The following TESMIN variants were observed in gnomAD, a reference collection of about 807,000 sequenced individuals.
The protein encoded by TESMIN is CXC domain containing 2.
TESMIN carries 34 observed loss-of-function variants against 47.4 expected under a neutral mutation model. The ratio of observed to expected loss-of-function variants is 0.72; its 90% CI spans 0.55 to 0.96. TESMIN has a LOEUF of 0.96. Among genes scored for constraint, TESMIN ranks in the 40% least tolerant of loss-of-function variants. The pLI is 0.00. For synonymous variants in TESMIN, 278 were observed against 258.9 expected (o/e 1.07, Z -0.71); for missense variants, 610 against 637.2 (o/e 0.96, Z 0.46).
At chr11:68,736,673 TAG>T (rs1250828639) in intron 6 of TESMIN, 2 of 981,604 alleles carry the variant, frequency 2.0e-6, no homozygotes, top group African/African-American at 3.5e-5. Context: ...CCGTTTACAA[TAG>T]AGAAATATTT....
At chr11:68,713,715 C>T (rs1274664750) in intron 7 of TESMIN, among the ~76,000 whole-genome samples, 1 of 152,176 alleles carries the variant, frequency 6.6e-6, no homozygotes, top group Non-Finnish European at 1.5e-5. Context: ...GGACACATTT[C>T]CATCCAGCAT....
Position 68,711,024 on chromosome 11 carries a change from C to CA in TESMIN, c.1183dup (p.Cys395LeufsTer10). ...ATAATTTTTGCAACCAATGCATTTG[C>CA]AAATAGAAGAACACATAATTTGGGC... On this transcript the variant is annotated frameshift_variant, in exon 9 of 10. Coordinates refer to ENST00000255087, the MANE Select transcript of TESMIN (RefSeq NM_004923.3). LOFTEE classifies it high-confidence loss of function. 1 of 1,610,672 alleles carries CA rather than the reference C, an allele frequency of 6.2e-7. No homozygotes were observed. The highest frequency in any genetic ancestry group is 8.5e-7 in the Non-Finnish European group (1 of 1,178,824).
chr11:68,741,476 C>T (rs1361583375), intron 5 of TESMIN, among the ~76,000 whole-genome samples: 1 of 152,354 alleles, frequency 6.6e-6, no homozygotes, highest in African/African-American at 2.4e-5. Context: ...TCCGCTTCCT[C>T]TGCTCTCCTA....
chr11:68,712,221 G>C (rs1406509458), intron 8 of TESMIN, among the ~76,000 whole-genome samples: 1 of 152,262 alleles, frequency 6.6e-6, no homozygotes, highest in Admixed American at 6.5e-5. Context: ...TTCCATGGCA[G>C]CCAGTGAAGG....
chr11:68,716,514 C>T (rs558044396), intron 6 of TESMIN, among the ~76,000 whole-genome samples: 6 of 152,214 alleles, frequency 3.9e-5, no homozygotes, highest in African/African-American at 7.2e-5. Flanking sequence ...GGTTGTAATG[C>T]GAGGGTTGTT....
At chr11:68,713,487 C>A in intron 7 of TESMIN, 80 bp from the exon 8 acceptor site, 1 of 1,511,828 alleles carries the variant, frequency 6.6e-7, no homozygotes, top group African/African-American at 1.4e-5. Flanking sequence ...TCATTTGAAT[C>A]TGATTGTTGT....
At chr11:68,744,805 C>A in intron 4 of TESMIN, 186 bp downstream of exon 4, 1 of 472,558 alleles carries the variant, frequency 2.1e-6, no homozygotes, top group East Asian at 3.8e-5. Flanking sequence ...ACAGTCAGTA[C>A]AGGGTACAAA....
intron 5 of TESMIN, among the ~76,000 whole-genome samples, chr11:68,739,954 C>G (rs922046049): frequency 6.6e-6 from 1 of 152,028 alleles, no homozygotes; most frequent in African/African-American, 2.4e-5. Flanking sequence ...TACTTTTTTT[C>G]CCCCTTTGCT....
chr11:68,734,002 C>A (rs1946358807), intron 6 of TESMIN, among the ~76,000 whole-genome samples: 1 of 152,146 alleles, frequency 6.6e-6, no homozygotes, highest in African/African-American at 2.4e-5. Flanking sequence ...TTCTTCTCCC[C>A]CTGACCTATT....
At chr11:68,708,635 C>A (rs1342500252) in intron 9 of TESMIN, 135 bp from the exon 10 acceptor site, 2 of 867,008 alleles carry the variant, frequency 2.3e-6, no homozygotes, top group African/African-American at 3.4e-5. Context: ...ACGTTGTCTT[C>A]CTCATACTGG....
At chr11:68,729,867 T>G (rs1202683279) in intron 6 of TESMIN, among the ~76,000 whole-genome samples, 4 of 152,208 alleles carry the variant, frequency 2.6e-5, no homozygotes, top group African/African-American at 9.7e-5. Flanking sequence ...TTTTGAAAGT[T>G]CTACTGTGGG....
At chr11:68,728,994 G>A (rs572497247) in intron 6 of TESMIN, among the ~76,000 whole-genome samples, 1 of 152,176 alleles carries the variant, frequency 6.6e-6, no homozygotes, top group Non-Finnish European at 1.5e-5. Context: ...TCTCATGCCT[G>A]CAAACACAAT....
intron 7 of TESMIN, 98 bp from the exon 8 acceptor site, chr11:68,713,505 G>A (rs1594285243): frequency 7.2e-7 from 1 of 1,387,230 alleles, no homozygotes; most frequent in Non-Finnish European, 1.0e-6. Flanking sequence ...TGTAAAAGAT[G>A]CCACAATAAA....
chr11:68,718,283 A>C (rs1261343195), intron 6 of TESMIN, among the ~76,000 whole-genome samples: 2 of 151,022 alleles, frequency 1.3e-5, no homozygotes, highest in Non-Finnish European at 3.0e-5. Context: ...AGAGAAACGG[A>C]CCATGCATGG....
intron 5 of TESMIN, among the ~76,000 whole-genome samples, chr11:68,741,341 T>C (rs1387540479): frequency 6.6e-6 from 1 of 152,154 alleles, no homozygotes; most frequent in Non-Finnish European, 1.5e-5. Flanking sequence ...ACAGCTTGCT[T>C]CACAGAGCTC....
At chr11:68,705,896 G>A (rs977440146), downstream of TESMIN, among the ~76,000 whole-genome samples, 6 of 151,956 alleles carry the variant, frequency 3.9e-5, no homozygotes, top group Admixed American at 2.0e-4. Context: ...GGTGGTGCGC[G>A]CCTGTAATCT....
At position 68,736,843 on chromosome 11, in the gene TESMIN, C is replaced by T. The variant is rs532308279; in HGVS notation, c.917+1857G>A. 4,791 of 981,728 alleles carry T rather than the reference C, an allele frequency of 4.9e-3. 24 individuals carry two copies. The highest frequency in any genetic ancestry group is 5.0e-3 in the Non-Finnish European group (4,150 of 829,082). The allele number at this position is 981,728 out of a possible 1,614,324, so 60.8% of individuals were successfully genotyped here. The stretch of plus-strand genomic sequence containing the variant: ...GAAGGAGGAGGAGGAGAATGGGAAG[C>T]CGGGGGAGAGGAAAAGGGGGAAAAG... On this transcript the variant is annotated intron_variant, in intron 6 of 9. Transcript: ENST00000255087.
chr11:68,732,049 C>G (rs1264344011), intron 6 of TESMIN, among the ~76,000 whole-genome samples: 4 of 152,190 alleles, frequency 2.6e-5, no homozygotes, highest in African/African-American at 7.2e-5. Context: ...CAGACAGTTG[C>G]ATGTTGAGCA....
intron 6 of TESMIN, among the ~76,000 whole-genome samples, chr11:68,718,425 A>C (rs1289055391): frequency 3.3e-5 from 5 of 152,232 alleles, no homozygotes; most frequent in Non-Finnish European, 7.3e-5. Flanking sequence ...GGAAGCAAAA[A>C]AGTAATCACA....
Sources: gnomAD v4.1 joint callset for allele counts (sites outside exome capture counted in the v4.1 genomes callset) on GRCh38, gnomAD v4.1.1 for gene constraint, MANE v1.5 for transcripts, NCBI Gene and HGNC (gene_info 2026-07-23, HGNC 2026-07-21) for gene names.